The following COL27A1 variants were observed in gnomAD, a reference collection of about 807,000 sequenced individuals.
COL27A1 encodes the protein collagen type XXVII alpha 1 chain, also known as collagen alpha-1(XXVII) chain.
COL27A1 carries 106 observed loss-of-function variants against 251.3 expected under a neutral mutation model. That is an observed-to-expected ratio of 0.42 (90% CI 0.36 to 0.50). COL27A1 has a LOEUF of 0.50. Among genes scored for constraint, COL27A1 ranks in the 20% least tolerant of loss-of-function variants. The pLI is 0.00. For synonymous variants in COL27A1, 1,000 were observed against 986.3 expected, an observed-to-expected ratio of 1.01 and a Z score of -0.26; for missense variants, 2,325 against 2,522.8, an observed-to-expected ratio of 0.92 and a Z score of 1.68.
At chr9:114,275,078 A>G (rs145992311) in intron 36 of COL27A1, among the ~76,000 whole-genome samples, 1,899 of 139,828 alleles carry the variant, frequency 0.014, 15 homozygotes, top group Non-Finnish European at 0.015. Context: ...TCTTGTAGCA[A>G]GACCCCATTT....
At chr9:114,253,074 A>T (rs919212730) in intron 27 of COL27A1, 142 bp downstream of exon 27, 5 of 704,446 alleles carry the variant, frequency 7.1e-6, no homozygotes, top group Admixed American at 2.6e-5. Context: ...AGCCTGACAA[A>T]CATACCAAAA....
rs192361801 is a variant in COL27A1, at chr9:114,238,583, G to A, written c.2727+868G>A. On this transcript the variant is annotated intron_variant, in intron 19 of 60. Coordinates refer to ENST00000356083, the MANE Select transcript of COL27A1 (RefSeq NM_032888.4). The stretch of plus-strand genomic sequence containing the variant: ...CTTCTGCTATCACTCGGATGGATGA[G>A]GAAATGTTTCCTAAAAGCTACAAGT... Among the ~76,000 whole-genome samples, 14 of 152,338 alleles carry A rather than the reference G, an allele frequency of 9.2e-5. No homozygotes were observed. The East Asian group carries it at 2.7e-3, about 29-fold the overall frequency.
Position 114,162,834 on chromosome 9 carries a change from G to A in COL27A1, c.133+49G>A, listed in dbSNP as rs781019139. 2.0e-5 allele frequency: 29 copies of A among 1,419,968 alleles called. No homozygotes were observed. The Admixed American group carries it at 4.8e-4, about 24-fold the overall frequency. The allele number at this position is 1,419,968 out of a possible 1,614,324, so 88.0% of individuals were successfully genotyped here. Reference sequence around the variant, plus strand: ...AGGGGGAGACAAAGGAGAACGGAAGGGGCCTGAGAACTCAGGGGTAGGAGA... The same window carrying A: ...AGGGGGAGACAAAGGAGAACGGAAGAGGCCTGAGAACTCAGGGGTAGGAGA... On this transcript the variant is annotated intron_variant, in intron 2 of 60. Coordinates refer to ENST00000356083, the MANE Select transcript of COL27A1 (RefSeq NM_032888.4).
In COL27A1 at chr9:114,229,351, GTC is replaced by G. The variant is rs148800222; in HGVS notation, c.2467-1717_2467-1716del. Among the ~76,000 whole-genome samples, 5 of 152,258 alleles carry G rather than the reference GTC, an allele frequency of 3.3e-5. No individual in the cohort carries two copies. The East Asian group carries it at 7.7e-4, about 24-fold the overall frequency. The stretch of plus-strand genomic sequence containing the variant: ...CAAACTCCATGCCGTCTGTCTGTCT[GTC>G]TCTCTCTCTCCTCGGGGGCATTCCA... On this transcript the variant is annotated intron_variant, in intron 14 of 60. Coordinates refer to ENST00000356083, the MANE Select transcript of COL27A1 (RefSeq NM_032888.4).
chr9:114,210,895 C>A, intron 11 of COL27A1, 87 bp from the exon 12 acceptor site: 1 of 1,365,576 alleles, frequency 7.3e-7, no homozygotes, highest in Non-Finnish European at 1.0e-6. Context: ...GACTTCCTGC[C>A]GTGGGTGGCT....
At chr9:114,262,166 G>C (rs1045593736) in intron 28 of COL27A1, among the ~76,000 whole-genome samples, 5 of 152,164 alleles carry the variant, frequency 3.3e-5, no homozygotes, top group African/African-American at 1.2e-4. Flanking sequence ...ACCTGACACG[G>C]CCCCACCCCA....
At chr9:114,266,700 C>G (rs1834769828) in intron 33 of COL27A1, 82 bp downstream of exon 33, 7 of 1,286,078 alleles carry the variant, frequency 5.4e-6, no homozygotes, top group Non-Finnish European at 7.9e-6. Context: ...CCAGGAGCCT[C>G]TTTCTGCCAT....
rs140917660 is a variant in COL27A1, at chr9:114,205,138, G to A, written c.2161G>A (p.Gly721Arg). Reference sequence around the variant, plus strand: ...CTATCCTGGACCGGCAGGGCACCCCGGAGAACAGGTGAGGGCCTCAGCCTC... The same window carrying A: ...CTATCCTGGACCGGCAGGGCACCCCAGAGAACAGGTGAGGGCCTCAGCCTC... The part of the protein sequence containing the change: ...KGYPGPAGHP[G>R]EQGQPGPEGS... The change falls in exon 8 of 61, where the codon GGA becomes AGA. Residue 721 changes from glycine (G) to arginine (R), a missense_variant. By Grantham distance (125) the Gly-to-Arg change is moderately radical. This residue lies in a region of COL27A1 where 1,183 missense variants were observed against 1,144.1 expected (regional missense o/e 1.03). Coordinates refer to ENST00000356083, the MANE Select transcript of COL27A1 (RefSeq NM_032888.4). The A allele has an allele frequency of 3.2e-5, 52 of 1,613,314 alleles. No homozygotes were observed. The highest frequency in any genetic ancestry group is 1.7e-4 in the Middle Eastern group (1 of 6,032).
intron 4 of COL27A1, among the ~76,000 whole-genome samples, chr9:114,181,566 C>A (rs1827917842): frequency 6.6e-6 from 1 of 152,164 alleles, no homozygotes; most frequent in Non-Finnish European, 1.5e-5. Context: ...TTGGGAGGAC[C>A]ACTGGACCCT....
At chr9:114,166,021 C>G (rs1848822284) in intron 2 of COL27A1, among the ~76,000 whole-genome samples, 1 of 151,816 alleles carries the variant, frequency 6.6e-6, no homozygotes. Context: ...ATCCATCCAT[C>G]CACCAATTCA....
At position 114,267,934 on chromosome 9, in the gene COL27A1, G is replaced by A. The variant is rs138136647; in HGVS notation, c.3501+377G>A. ...CATTCTGCTGTTGGAAGAGGACGCT[G>A]TTCCCCCTTGGAGGCCCCAGAGCTG... is the stretch of plus-strand genomic sequence containing the variant. On this transcript the variant is annotated intron_variant, in intron 34 of 60. Coordinates refer to ENST00000356083, the MANE Select transcript of COL27A1 (RefSeq NM_032888.4). 2.7e-3 allele frequency among the ~76,000 whole-genome samples: 410 copies of A among 152,308 alleles called. 1 individual carries two copies. Among genetic ancestry groups the A allele is most frequent in the African/African-American group, 9.7e-3 (402 of 41,564 alleles).
At chr9:114,303,865 G>A (rs1828841421) in intron 56 of COL27A1, among the ~76,000 whole-genome samples, 3 of 152,228 alleles carry the variant, frequency 2.0e-5, no homozygotes, top group Non-Finnish European at 2.9e-5. Flanking sequence ...CGGGGACTGG[G>A]GGCATAGAGA....
intron 57 of COL27A1, 77 bp from the exon 58 acceptor site, chr9:114,306,443 C>G (rs1367923455): frequency 6.8e-7 from 1 of 1,464,246 alleles, no homozygotes; most frequent in Non-Finnish European, 9.4e-7. Context: ...GTTGTGAGAA[C>G]TGGGGGCTGT....
At chr9:114,204,518 C>T (rs1474191005) in intron 7 of COL27A1, among the ~76,000 whole-genome samples, 1 of 152,194 alleles carries the variant, frequency 6.6e-6, no homozygotes, top group Non-Finnish European at 1.5e-5. Flanking sequence ...GAGTCCTTCT[C>T]ATCAGTATCT....
chr9:114,239,713 C>T (rs1832624706), intron 19 of COL27A1, among the ~76,000 whole-genome samples: 1 of 152,198 alleles, frequency 6.6e-6, no homozygotes, highest in African/African-American at 2.4e-5. Flanking sequence ...GAGTCCAACA[C>T]ATGTGGCCAA....
Position 114,214,124 on chromosome 9 carries a change from C to G in COL27A1, c.2367+3098C>G, listed in dbSNP as rs76562779. On this transcript the variant is annotated intron_variant, in intron 12 of 60. Transcript: ENST00000356083. The stretch of plus-strand genomic sequence containing the variant: ...CAGCTTGGTCTCTGTCTCCGCTGGG[C>G]CTCTGAGTCTGCCATGCCTCTCAGC... Among the ~76,000 whole-genome samples the G allele has an allele frequency of 4.8e-3, 737 of 152,282 alleles. 8 individuals are homozygous for G. The highest frequency in any genetic ancestry group is 0.017 in the African/African-American group (701 of 41,564).
rs1045399280 is a variant in COL27A1, at chr9:114,199,349, C to A, written c.2124+3337C>A. On this transcript the variant is annotated intron_variant, in intron 7 of 60. Transcript: ENST00000356083. Reference sequence around the variant, plus strand: ...ATAGCCCTTCCCTCCCATACACATACAAGATGTGTTCAGCCCACAAAGTCA... The same window carrying A: ...ATAGCCCTTCCCTCCCATACACATAAAAGATGTGTTCAGCCCACAAAGTCA... Among the ~76,000 whole-genome samples, 4 of 152,138 alleles carry A rather than the reference C, an allele frequency of 2.6e-5. No individual in the cohort carries two copies. In the South Asian group the frequency reaches 8.3e-4, roughly 31 times the overall value.
At chr9:114,260,405 A>C (rs1455708959) in intron 28 of COL27A1, among the ~76,000 whole-genome samples, 1 of 152,094 alleles carries the variant, frequency 6.6e-6, no homozygotes, top group East Asian at 1.9e-4. Flanking sequence ...GAGGTGACTG[A>C]AGGTGGGGAA....
chr9:114,253,433 A>G lies in COL27A1; in HGVS notation c.3141+501A>G, dbSNP rs1026908637. ...CAGAAAGAAGAGGAGAAAAAAGAGG[A>G]GGGAGGGAGGGCGGGAGGGGAGGAA... is the stretch of plus-strand genomic sequence containing the variant. On this transcript the variant is annotated intron_variant, in intron 27 of 60. Coordinates refer to ENST00000356083, the MANE Select transcript of COL27A1 (RefSeq NM_032888.4). Among the ~76,000 whole-genome samples, 9 of 92,908 alleles carry G rather than the reference A, an allele frequency of 9.7e-5. No individual in the cohort carries two copies. The East Asian group carries it at 3.4e-3, about 35-fold the overall frequency. 61.0% of individuals were successfully genotyped at this position (92,908 alleles called of 152,430 possible).
Sources: allele counts gnomAD v4.1 joint callset (sites outside exome capture counted in the v4.1 genomes callset), GRCh38; gene constraint gnomAD v4.1.1; regional missense constraint gnomAD v4.1.1; transcripts MANE v1.5; gene names NCBI Gene and HGNC (gene_info 2026-07-23, HGNC 2026-07-21).